NEXMIF: variants seen among roughly 807,000 people sequenced by gnomAD.
NEXMIF encodes neurite extension and migration factor, also known as XLMR protein related to neurite extension.
Under a neutral mutation model 62.1 loss-of-function variants are expected in NEXMIF, and 8 were observed. That is an observed-to-expected ratio of 0.13 (90% CI 0.08 to 0.23). NEXMIF has a LOEUF of 0.23. Ranked by LOEUF, NEXMIF falls within the 10% of genes least tolerant of loss-of-function variation. The pLI, the probability that NEXMIF is intolerant of heterozygous loss-of-function variation, is 1.00. For missense variants in NEXMIF, 976 were observed against 1,113.3 expected (o/e 0.88, Z 1.75); for synonymous variants, 404 against 416.6 (o/e 0.97, Z 0.37).
intron 1 of NEXMIF, among the ~76,000 whole-genome samples, chrX:74,765,075 T>C (rs1478323236): frequency 1.8e-5 from 2 of 112,050 alleles, no homozygotes; most frequent in Non-Finnish European, 3.8e-5. Flanking sequence ...TTTGTAGGTC[T>C]CTAAGAACTT....
intron 1 of NEXMIF, among the ~76,000 whole-genome samples, chrX:74,875,470 CT>C (rs1010417854): frequency 9.0e-6 from 1 of 111,705 alleles, no homozygotes; most frequent in African/African-American, 3.3e-5. Flanking sequence ...TTGGTTGTGT[CT>C]CTGCCAGGCT....
At chrX:74,882,318 G>A (rs887626028) in intron 1 of NEXMIF, among the ~76,000 whole-genome samples, 1 of 111,991 alleles carries the variant, frequency 8.9e-6, no homozygotes, top group East Asian at 2.8e-4. Context: ...TGGGTGCAGT[G>A]CACCGTGCGT....
chrX:74,744,438 G>A lies in NEXMIF; in HGVS notation c.119C>T (p.Ala40Val). 8.3e-7 allele frequency: 1 copy of A among 1,205,090 alleles called. No homozygotes were observed. Among genetic ancestry groups the A allele is most frequent in the Non-Finnish European group, 1.1e-6 (1 of 892,142 alleles). Residue 40 changes from alanine to valine, a missense_variant, in exon 3 of 4, where the codon GCT (alanine) becomes GTT (valine). Ala to Val is a moderately conservative substitution (Grantham distance 64, BLOSUM62 0). Transcript: ENST00000055682. The stretch of plus-strand genomic sequence containing the variant: ...CTGGATAGGTGCAGCAGCTTCTAGA[G>A]CTGCAAATGACTTCATTGCCACATC... ...DQDVAMKSFA[A>V]LEAAAPIQPT... is the part of the protein sequence containing the mutation.
At chrX:74,856,809 C>T (rs1044069335) in intron 1 of NEXMIF, among the ~76,000 whole-genome samples, 1 of 111,964 alleles carries the variant, frequency 8.9e-6, no homozygotes, top group African/African-American at 3.2e-5. Context: ...CTCCCCCATT[C>T]CCCCAGCAGT....
intron 1 of NEXMIF, among the ~76,000 whole-genome samples, chrX:74,883,999 C>T (rs902301760): frequency 3.6e-5 from 4 of 112,166 alleles, no homozygotes; most frequent in Non-Finnish European, 7.5e-5. Flanking sequence ...ATTCAACATT[C>T]TTAAAGAAAA....
intron 1 of NEXMIF, among the ~76,000 whole-genome samples, chrX:74,888,310 C>CAA (rs748607057): frequency 1.1e-5 from 1 of 89,406 alleles, no homozygotes; most frequent in Non-Finnish European, 2.3e-5. Flanking sequence ...AACAAACAAA[C>CAA]AAAAAAAAAA....
chrX:74,800,650 C>T (rs2080326903), intron 1 of NEXMIF, among the ~76,000 whole-genome samples: 1 of 109,890 alleles, frequency 9.1e-6, no homozygotes, highest in Non-Finnish European at 1.9e-5. Context: ...AATGTATCAT[C>T]CTTTTTTAAT....
At position 74,740,271 on chromosome X, in the gene NEXMIF, T is replaced by C. The variant is rs1384386633; in HGVS notation, c.4286A>G (p.Lys1429Arg). 4.1e-6 allele frequency: 5 copies of C among 1,211,483 alleles called. No homozygotes were observed. Among genetic ancestry groups the C allele is most frequent in the Non-Finnish European group, 5.6e-6 (5 of 895,454 alleles). ...NEDSRSTFFD[K>R]KYSNMSTLGN... ...TAAAGTGCTCATGTTACTATACTTTTTATCAAAGAAGGTAGAGCGAGAGTC... is the reference window on the plus strand; with the variant it reads ...TAAAGTGCTCATGTTACTATACTTTCTATCAAAGAAGGTAGAGCGAGAGTC... The change falls in exon 3 of 4, where the codon AAA becomes AGA. Residue 1429 changes from lysine to arginine, a missense_variant. By Grantham distance (26) the Lys-to-Arg change is conservative. Around this residue, in one of 5 missense-constraint regions of NEXMIF, gnomAD observed 137 missense variants for 128.9 expected, o/e 1.06. Coordinates refer to ENST00000055682, the MANE Select transcript of NEXMIF (RefSeq NM_001008537.3).
chrX:74,857,561 G>A (rs905558703), intron 1 of NEXMIF, among the ~76,000 whole-genome samples: 2 of 111,937 alleles, frequency 1.8e-5, no homozygotes, highest in African/African-American at 6.5e-5. Flanking sequence ...GAGATGTGCT[G>A]GCTTTGGGTG....
Position 74,881,392 on chromosome X carries a change from G to GCACACACACACACACA in NEXMIF, c.-48+43475_-48+43490dup, listed in dbSNP as rs367805528. 6.8e-3 allele frequency among the ~76,000 whole-genome samples: 600 copies of GCACACACACACACACA among 88,565 alleles called. 14 individuals carry two copies. The highest frequency in any genetic ancestry group is 0.023 in the African/African-American group (543 of 23,547). 76.9% of individuals were successfully genotyped at this position (88,565 alleles called of 115,157 possible). A position where few individuals can be genotyped will look rare whatever the true frequency, so the allele number is the denominator to read the frequency against. On this transcript the variant is annotated intron_variant, in intron 1 of 3. Transcript: ENST00000055682. ...CCAACACACACACACACATACACATGCACACACACACACACACACACACAC... is the reference window on the plus strand; with the variant it reads ...CCAACACACACACACACATACACATGCACACACACACACACACACACACACACACACACACACACAC...
chrX:74,745,835 T>A (rs1243500815), intron 1 of NEXMIF, 138 bp from the exon 2 acceptor site: 2 of 412,699 alleles, frequency 4.8e-6, no homozygotes, highest in African/African-American at 5.0e-5. Flanking sequence ...TGCTATTGTT[T>A]TTGTTTCACA....
chrX:74,884,122 G>T (rs942828766), intron 1 of NEXMIF, among the ~76,000 whole-genome samples: 12 of 111,745 alleles, frequency 1.1e-4, no homozygotes, highest in Admixed American at 9.5e-4. Flanking sequence ...CACCAGGCCT[G>T]CCCTAAAAAG....
chrX:74,748,116 A>G (rs1337679745), intron 1 of NEXMIF, among the ~76,000 whole-genome samples: 4 of 112,487 alleles, frequency 3.6e-5, no homozygotes, highest in African/African-American at 1.3e-4. Flanking sequence ...ACACTTTGGC[A>G]AAAGATAAAG....
At position 74,736,181 on chromosome X, in the gene NEXMIF, A is replaced by T. The variant is rs1467101269; in HGVS notation, c.*3224T>A. 2.7e-5 allele frequency: 3 copies of T among 111,438 alleles called. No individual in the cohort carries two copies. The highest frequency in any genetic ancestry group is 3.8e-5 in the Non-Finnish European group (2 of 53,054). 9.2% of individuals were successfully genotyped at this position (111,438 alleles called of 1,213,427 possible). A position where few individuals can be genotyped will look rare whatever the true frequency, so the allele number is the denominator to read the frequency against. On this transcript the variant is annotated 3_prime_UTR_variant, in exon 4 of 4. Transcript: ENST00000055682. ...CTTGTACCCCTACTCTATAAAAATT[A>T]AAAAAAATTTAATTAAAAAATTAGA...
intron 1 of NEXMIF, among the ~76,000 whole-genome samples, chrX:74,848,469 G>A (rs1372466545): frequency 1.8e-5 from 2 of 112,470 alleles, no homozygotes; most frequent in African/African-American, 3.2e-5. Context: ...TAAAATCAAA[G>A]TGTCAGTAGG....
chrX:74,901,094 T>C (rs138968825), intron 1 of NEXMIF, among the ~76,000 whole-genome samples: 1,378 of 111,806 alleles, frequency 0.012, 23 homozygotes, highest in African/African-American at 0.043. Context: ...GATGGTTGCA[T>C]AACAGTGTGA....
chrX:74,810,528 C>T (rs900773632), intron 1 of NEXMIF, among the ~76,000 whole-genome samples: 5 of 108,698 alleles, frequency 4.6e-5, no homozygotes, highest in African/African-American at 1.0e-4. Flanking sequence ...AGGTGGCTCA[C>T]GCTTGTAATC....
chrX:74,856,617 T>G (rs1474717702), intron 1 of NEXMIF, among the ~76,000 whole-genome samples: 2 of 111,470 alleles, frequency 1.8e-5, no homozygotes, highest in Non-Finnish European at 3.8e-5. Context: ...AATAGAAGGC[T>G]CTACTGATCA....
intron 1 of NEXMIF, among the ~76,000 whole-genome samples, chrX:74,804,668 T>G (rs1272764402): frequency 8.9e-6 from 1 of 111,787 alleles, no homozygotes; most frequent in East Asian, 2.8e-4. Context: ...TCTCTTCAAG[T>G]GGACGGAATG....
Sources: gnomAD v4.1 joint callset for allele counts (sites outside exome capture counted in the v4.1 genomes callset) on GRCh38, gnomAD v4.1.1 for gene constraint, gnomAD v4.1.1 regional missense constraint, MANE v1.5 for transcripts, NCBI Gene and HGNC (gene_info 2026-07-23, HGNC 2026-07-21) for gene names.